Variants in SLC24A3 observed in about 807,000 individuals in gnomAD.
SLC24A3 encodes the protein sodium/potassium/calcium exchanger 3.
In SLC24A3, 28 loss-of-function variants were observed where a neutral mutation model predicts 75.8. That is an observed-to-expected ratio of 0.37 (90% CI 0.27 to 0.51). SLC24A3 has a LOEUF of 0.51. Ranked by LOEUF, SLC24A3 falls within the 20% of genes least tolerant of loss-of-function variation. The pLI is 0.94. For synonymous variants in SLC24A3, 372 were observed against 334.1 expected, an observed-to-expected ratio of 1.11 and a Z score of -1.24; for missense variants, 663 against 847.8, an observed-to-expected ratio of 0.78 and a Z score of 2.71.
At chr20:19,370,853 A>T (rs1985979651) in intron 2 of SLC24A3, among the ~76,000 whole-genome samples, 1 of 151,974 alleles carries the variant, frequency 6.6e-6, no homozygotes. Flanking sequence ...GGAAAGAAAC[A>T]CAACTCTCTG....
intron 2 of SLC24A3, among the ~76,000 whole-genome samples, chr20:19,303,101 T>A (rs181066271): frequency 2.6e-5 from 4 of 152,228 alleles, no homozygotes; most frequent in Non-Finnish European, 5.9e-5. Context: ...ATAGATTATT[T>A]CATCACCCAG....
intron 2 of SLC24A3, among the ~76,000 whole-genome samples, chr20:19,501,015 G>A (rs1210393718): frequency 6.6e-6 from 1 of 152,110 alleles, no homozygotes; most frequent in East Asian, 1.9e-4. Flanking sequence ...ATTACTTTAT[G>A]GATCTCTTTT....
chr20:19,305,169 C>T (rs1312635836), intron 2 of SLC24A3, among the ~76,000 whole-genome samples: 2 of 152,018 alleles, frequency 1.3e-5, no homozygotes, highest in African/African-American at 2.4e-5. Flanking sequence ...ATATTTTTTC[C>T]CCAGAGTTAG....
chr20:19,374,054 A>G (rs1331582908), intron 2 of SLC24A3, among the ~76,000 whole-genome samples: 1 of 152,182 alleles, frequency 6.6e-6, no homozygotes, highest in East Asian at 1.9e-4. Flanking sequence ...TAGCATAGGT[A>G]CTTGAATGCC....
rs116245943 is a variant in SLC24A3 at position 19,675,218 on chromosome 20, G to A, written c.767+1564G>A. ...TTCTGTGCTGCAACTGCCCAACCCC[G>A]TGGGAGCTGCTGCTTTTCCTCTAAA... On this transcript the variant is annotated intron_variant, in intron 9 of 16. Transcript: ENST00000328041. 3.3e-3 allele frequency among the ~76,000 whole-genome samples: 507 copies of A among 152,268 alleles called. 6 individuals are homozygous for A. The highest frequency in any genetic ancestry group is 0.012 in the African/African-American group (484 of 41,540).
chr20:19,531,130 A>T (rs2030290319), intron 3 of SLC24A3, among the ~76,000 whole-genome samples: 1 of 150,906 alleles, frequency 6.6e-6, no homozygotes, highest in African/African-American at 2.5e-5. Flanking sequence ...GGAGTTGAGC[A>T]GAAAGGCCCC....
At chr20:19,708,930 T>C (rs2032959254) in intron 15 of SLC24A3, among the ~76,000 whole-genome samples, 1 of 152,210 alleles carries the variant, frequency 6.6e-6, no homozygotes, top group Non-Finnish European at 1.5e-5. Context: ...TGAATCAGTC[T>C]CTCTGTTCAT....
chr20:19,684,993 G>A (rs2032657006), intron 11 of SLC24A3, 107 bp from the exon 12 acceptor site: 6 of 1,407,646 alleles, frequency 4.3e-6, no homozygotes, highest in Non-Finnish European at 5.7e-6. Flanking sequence ...GGGTCTTCTG[G>A]AAGCATATCG....
At chr20:19,632,458 G>A (rs1321177576) in intron 6 of SLC24A3, among the ~76,000 whole-genome samples, 1 of 151,990 alleles carries the variant, frequency 6.6e-6, no homozygotes, top group Non-Finnish European at 1.5e-5. Context: ...CCACCCTCTT[G>A]TTTCCATCAT....
At position 19,395,478 on chromosome 20, in the gene SLC24A3, G is replaced by A. The variant is rs1986438277; in HGVS notation, c.271+114391G>A. ...CCTAGGTGTATGTGTTTGCAAATGT[G>A]TGTGTGCATACACACATACCAACAC... On this transcript the variant is annotated intron_variant, in intron 2 of 16. Coordinates refer to ENST00000328041, the MANE Select transcript of SLC24A3 (RefSeq NM_020689.4). 2.6e-5 allele frequency among the ~76,000 whole-genome samples: 4 copies of A among 152,204 alleles called. No homozygotes were observed. In the South Asian group the frequency reaches 8.3e-4, roughly 31 times the overall value.
intron 2 of SLC24A3, among the ~76,000 whole-genome samples, chr20:19,505,691 G>A (rs930009528): frequency 1.7e-4 from 26 of 152,154 alleles, no homozygotes. Flanking sequence ...TAATGAGGGA[G>A]CTGGGGTACT....
At chr20:19,629,146 C>G (rs374281994) in intron 6 of SLC24A3, among the ~76,000 whole-genome samples, 33 of 151,942 alleles carry the variant, frequency 2.2e-4, no homozygotes, top group African/African-American at 8.0e-4. Flanking sequence ...CACACACACA[C>G]AGACAACTAA....
At chr20:19,414,308 T>C (rs1023583974) in intron 2 of SLC24A3, among the ~76,000 whole-genome samples, 7 of 152,226 alleles carry the variant, frequency 4.6e-5, no homozygotes, top group African/African-American at 1.4e-4. Context: ...AAATGTATCA[T>C]GAGGAGGTCA....
At chr20:19,484,248 A>G (rs1988097700) in intron 2 of SLC24A3, among the ~76,000 whole-genome samples, 1 of 152,166 alleles carries the variant, frequency 6.6e-6, no homozygotes, top group African/African-American at 2.4e-5. Flanking sequence ...TTCTAAACAT[A>G]AAATTCATTT....
At chr20:19,636,982 G>A (rs533927199) in intron 6 of SLC24A3, among the ~76,000 whole-genome samples, 159 of 152,278 alleles carry the variant, frequency 1.0e-3, no homozygotes, top group African/African-American at 3.0e-3. Context: ...AGAAGAAGAC[G>A]GCAGTAGGAG....
chr20:19,653,961 G>T, intron 6 of SLC24A3, 101 bp from the exon 7 acceptor site: 2 of 894,668 alleles, frequency 2.2e-6, no homozygotes, highest in South Asian at 3.3e-5. Flanking sequence ...TTGGGTGCAG[G>T]ACAGGAGGCC....
At chr20:19,522,869 G>A (rs1386311237) in intron 3 of SLC24A3, among the ~76,000 whole-genome samples, 1 of 151,848 alleles carries the variant, frequency 6.6e-6, no homozygotes, top group African/African-American at 2.4e-5. Flanking sequence ...TGTAGAATAA[G>A]CAAATCAGGC....
chr20:19,342,430 T>G (rs1280552904), intron 2 of SLC24A3, among the ~76,000 whole-genome samples: 1 of 152,210 alleles, frequency 6.6e-6, no homozygotes, highest in East Asian at 1.9e-4. Flanking sequence ...TTCTGCTGAG[T>G]TGGCCATGTT....
At chr20:19,562,348 G>T (rs1236780825) in intron 3 of SLC24A3, among the ~76,000 whole-genome samples, 3 of 152,076 alleles carry the variant, frequency 2.0e-5, no homozygotes, top group Admixed American at 1.3e-4. Context: ...CTCTCTAAGG[G>T]CACACTGGGT....
Sources: allele counts gnomAD v4.1 joint callset (sites outside exome capture counted in the v4.1 genomes callset), GRCh38; gene constraint gnomAD v4.1.1; transcripts MANE v1.5; gene names NCBI Gene and HGNC (gene_info 2026-07-23, HGNC 2026-07-21).